Variants in AKT3 observed in about 807,000 individuals in gnomAD.
The protein encoded by AKT3 is AKT serine/threonine kinase 3.
In AKT3, 15 loss-of-function variants were observed where a neutral mutation model predicts 65.3. That is an observed-to-expected ratio of 0.23 (90% CI 0.15 to 0.35). AKT3 has a LOEUF of 0.35. Among genes scored for constraint, AKT3 ranks in the 10% least tolerant of loss-of-function variants. The probability of loss-of-function intolerance (pLI) is 1.00; values close to 1 mark genes in which losing one functional copy is unlikely to be tolerated. For synonymous variants in AKT3, 206 were observed against 183.8 expected (o/e 1.12, Z -0.98); for missense variants, 243 against 576.5 (o/e 0.42, Z 5.92).
chr1:243,593,035 T>C (rs1676344904), intron 8 of AKT3, among the ~76,000 whole-genome samples: 1 of 152,180 alleles, frequency 6.6e-6, no homozygotes, highest in Non-Finnish European at 1.5e-5. Context: ...TACGAGTTTA[T>C]AGTTAACCGT....
intron 2 of AKT3, among the ~76,000 whole-genome samples, chr1:243,728,345 C>A (rs776240652): frequency 1.3e-5 from 2 of 152,264 alleles, no homozygotes; most frequent in Non-Finnish European, 2.9e-5. Flanking sequence ...TCCAAGAAAC[C>A]GCCAAAGTTC....
intron 2 of AKT3, among the ~76,000 whole-genome samples, chr1:243,818,590 C>T (rs1558841633): frequency 6.6e-6 from 1 of 152,074 alleles, no homozygotes. Flanking sequence ...GTATCTCTAA[C>T]TGGTAAGAAA....
chr1:243,532,139 A>C (rs1318441369), intron 12 of AKT3, among the ~76,000 whole-genome samples: 7 of 152,148 alleles, frequency 4.6e-5, no homozygotes, highest in African/African-American at 1.7e-4. Flanking sequence ...TACAGCTTCC[A>C]GTGTCACGTT....
chr1:243,783,539 A>C (rs1418500774), intron 2 of AKT3, among the ~76,000 whole-genome samples: 2 of 152,178 alleles, frequency 1.3e-5, no homozygotes, highest in African/African-American at 2.4e-5. Flanking sequence ...AGAATGCATA[A>C]ACTTCAGTTA....
At chr1:243,696,025 A>G (rs1685039714) in intron 2 of AKT3, among the ~76,000 whole-genome samples, 1 of 151,964 alleles carries the variant, frequency 6.6e-6, no homozygotes, top group Non-Finnish European at 1.5e-5. Flanking sequence ...TTGTTAGAGC[A>G]TATTTTCAGC....
At chr1:243,639,390 T>C (rs1040373760) in intron 5 of AKT3, among the ~76,000 whole-genome samples, 1 of 152,146 alleles carries the variant, frequency 6.6e-6, no homozygotes, top group African/African-American at 2.4e-5. Flanking sequence ...ACAAGCATCA[T>C]CCTGATACTG....
intron 8 of AKT3, among the ~76,000 whole-genome samples, chr1:243,594,426 A>T (rs1676456442): frequency 6.6e-6 from 1 of 152,234 alleles, no homozygotes; most frequent in East Asian, 1.9e-4. Flanking sequence ...AAGAGTCAAA[A>T]CAATTCTGAA....
intron 13 of AKT3, 99 bp from the exon 14 acceptor site, chr1:243,505,433 C>T (rs1476190451): frequency 2.1e-6 from 2 of 963,480 alleles, no homozygotes; most frequent in Non-Finnish European, 3.2e-6. Flanking sequence ...GAAAGATGAA[C>T]AGAGGCAATA....
At chr1:243,815,079 G>A (rs1693420632) in intron 2 of AKT3, among the ~76,000 whole-genome samples, 1 of 152,164 alleles carries the variant, frequency 6.6e-6, no homozygotes, top group Admixed American at 6.5e-5. Flanking sequence ...GAGGGTCCTA[G>A]ATTGGATCTT....
In AKT3 at chr1:243,500,507, ATTAT is replaced by A. The variant is rs1167350299; in HGVS notation, c.*4738_*4741del. 2.6e-5 allele frequency: 6 copies of A among 226,692 alleles called. No homozygotes were observed. Among genetic ancestry groups the A allele is most frequent in the African/African-American group, 1.1e-4 (5 of 45,004 alleles). 14.0% of individuals were successfully genotyped at this position (226,692 alleles called of 1,614,324 possible). On this transcript the variant is annotated 3_prime_UTR_variant, in exon 14 of 14. Transcript: ENST00000673466. ...TATATCAAATATCTGTACACAGATA[ATTAT>A]TTGTCTAAAATAGTATTTCTACTAT...
In AKT3 at chr1:243,572,987, G is replaced by A. The variant is rs78293563; in HGVS notation, c.758C>T (p.Ala253Val). 6.2e-7 allele frequency: 1 copy of A among 1,612,552 alleles called. No homozygotes were observed. The highest frequency in any genetic ancestry group is 1.3e-5 in the African/African-American group (1 of 74,612). Residue 253 changes from alanine to valine, a missense_variant, in exon 9 of 14, where the codon GCA becomes GTA. Ala to Val is a moderately conservative substitution (Grantham distance 64, BLOSUM62 0). Coordinates refer to ENST00000673466, the MANE Select transcript of AKT3 (RefSeq NM_005465.7). Reference protein sequence around the residue: ...FSEDRTRFYGAEIVSALDYLH... With the variant: ...FSEDRTRFYGVEIVSALDYLH... ...ATAGTCCAAGGCAGAGACAATTTCTGCACCATAGAAACGTGTGCGGTCCTC... is the reference window on the plus strand; with the variant it reads ...ATAGTCCAAGGCAGAGACAATTTCTACACCATAGAAACGTGTGCGGTCCTC...
intron 3 of AKT3, among the ~76,000 whole-genome samples, chr1:243,694,498 T>G (rs964044791): frequency 0.02 from 97 of 4,956 alleles, no homozygotes; most frequent in Middle Eastern, 0.19. Context: ...AATATCTATA[T>G]TAAGAATCCA....
intron 13 of AKT3, chr1:243,489,059 G>T: frequency 6.2e-7 from 1 of 1,613,416 alleles, no homozygotes; most frequent in Non-Finnish European, 8.5e-7. Context: ...CCCAGCAGCT[G>T]GTGCAGCTCC....
At chr1:243,791,598 CTTTATG>C (rs1322586799) in intron 2 of AKT3, among the ~76,000 whole-genome samples, 1 of 152,200 alleles carries the variant, frequency 6.6e-6, no homozygotes, top group African/African-American at 2.4e-5. Context: ...AGTGCATATA[CTTTATG>C]TTAATGAACA....
intron 4 of AKT3, among the ~76,000 whole-genome samples, chr1:243,659,445 C>A (rs79943864): frequency 6.8e-6 from 1 of 147,308 alleles, no homozygotes; most frequent in Non-Finnish European, 1.5e-5. Context: ...AAAGAATGCA[C>A]TAATGTAGCT....
chr1:243,832,357 C>G (rs1694595074), intron 2 of AKT3, among the ~76,000 whole-genome samples: 1 of 152,034 alleles, frequency 6.6e-6, no homozygotes. Flanking sequence ...TTCTTCTCCT[C>G]ATAATTTAAG....
chr1:243,679,100 TTTCTC>T (rs1372071028), intron 3 of AKT3, among the ~76,000 whole-genome samples: 1 of 152,180 alleles, frequency 6.6e-6, no homozygotes, highest in Non-Finnish European at 1.5e-5. Context: ...GCAAATATAT[TTTCTC>T]TTCCTTATGA....
chr1:243,795,465 T>TGG, intron 2 of AKT3, among the ~76,000 whole-genome samples: 1 of 91,412 alleles, frequency 1.1e-5, no homozygotes, highest in Non-Finnish European at 2.3e-5. Context: ...TTTTTTTGTT[T>TGG]TTTTTTTTTG....
chr1:243,706,200 C>G (rs1685786873), intron 2 of AKT3, among the ~76,000 whole-genome samples: 1 of 152,166 alleles, frequency 6.6e-6, no homozygotes, highest in African/African-American at 2.4e-5. Context: ...AATAAACCTA[C>G]CACCATTTGA....
Sources: allele counts gnomAD v4.1 joint callset (sites outside exome capture counted in the v4.1 genomes callset), GRCh38; gene constraint gnomAD v4.1.1; transcripts MANE v1.5; gene names NCBI Gene and HGNC (gene_info 2026-07-23, HGNC 2026-07-21).